The following CHSY1 variants were observed in gnomAD, a reference collection of about 807,000 sequenced individuals.
CHSY1 encodes the protein chondroitin sulfate synthase 1, also known as N-acetylgalactosaminyl-proteoglycan 3-beta-glucuronosyltransferase 1.
In CHSY1, 13 loss-of-function variants were observed where a neutral mutation model predicts 59.8. The observed-to-expected ratio is 0.22, with a 90% CI of 0.14 to 0.35. CHSY1 has a LOEUF of 0.35. Among genes scored for constraint, CHSY1 ranks in the 10% least tolerant of loss-of-function variants. The pLI is 1.00. For missense variants in CHSY1, 947 were observed against 1,030.6 expected (o/e 0.92, Z 1.11); for synonymous variants, 459 against 401.2 (o/e 1.14, Z -1.72).
intron 2 of CHSY1, among the ~76,000 whole-genome samples, chr15:101,209,321 A>C (rs1210635941): frequency 6.6e-6 from 1 of 152,240 alleles, no homozygotes; most frequent in Non-Finnish European, 1.5e-5. Context: ...CAGAAGTGTC[A>C]AGGTCATAAA....
At chr15:101,247,474 C>T (rs1437173946) in intron 1 of CHSY1, among the ~76,000 whole-genome samples, 1 of 152,084 alleles carries the variant, frequency 6.6e-6, no homozygotes, top group Non-Finnish European at 1.5e-5. Flanking sequence ...GTCCCTCTGA[C>T]TAAAGAACAT....
intron 2 of CHSY1, among the ~76,000 whole-genome samples, chr15:101,196,162 G>C (rs1012319596): frequency 1.3e-5 from 2 of 151,454 alleles, no homozygotes; most frequent in African/African-American, 4.9e-5. Context: ...ACTTGAACCT[G>C]GGAGACAGAG....
At chr15:101,189,420 A>C (rs1047674860) in intron 2 of CHSY1, 1 of 985,282 alleles carries the variant, frequency 1.0e-6, no homozygotes, top group African/African-American at 1.7e-5. Flanking sequence ...AATTAAAAAC[A>C]AACTTACAGG....
At chr15:101,200,142 T>C (rs531937906) in intron 2 of CHSY1, among the ~76,000 whole-genome samples, 8 of 152,246 alleles carry the variant, frequency 5.3e-5, no homozygotes, top group Non-Finnish European at 1.0e-4. Context: ...GGAACTAAGA[T>C]GACATTCTAG....
At chr15:101,202,058 A>G (rs1476650071) in intron 2 of CHSY1, among the ~76,000 whole-genome samples, 1 of 152,262 alleles carries the variant, frequency 6.6e-6, no homozygotes, top group African/African-American at 2.4e-5. Flanking sequence ...GCTGATGACA[A>G]GCTCTGGTCC....
intron 1 of CHSY1, among the ~76,000 whole-genome samples, chr15:101,250,293 C>T (rs2039093706): frequency 6.6e-6 from 1 of 152,184 alleles, no homozygotes; most frequent in Non-Finnish European, 1.5e-5. Context: ...CCATCAAATC[C>T]CTTTATCGAG....
rs2038182220 is a variant in CHSY1 at position 101,175,970 on chromosome 15, T to C, written c.*1418A>G. On this transcript the variant is annotated 3_prime_UTR_variant, in exon 3 of 3. Coordinates refer to ENST00000254190, the MANE Select transcript of CHSY1 (RefSeq NM_014918.5). ...TTAAGGCACATTTGATCTGAGAATTTAACTTTCTGGTATAATGACAGATTC... is the reference window on the plus strand; with the variant it reads ...TTAAGGCACATTTGATCTGAGAATTCAACTTTCTGGTATAATGACAGATTC... The C allele has an allele frequency of 3.5e-6, 1 of 284,966 alleles. No individual in the cohort carries two copies. The highest frequency in any genetic ancestry group is 5.2e-5 in the Admixed American group (1 of 19,308). 17.7% of individuals were successfully genotyped at this position (284,966 alleles called of 1,614,324 possible). A position where few individuals can be genotyped will look rare whatever the true frequency, so the allele number is the denominator to read the frequency against.
At chr15:101,217,501 G>A (rs2038746638) in intron 2 of CHSY1, among the ~76,000 whole-genome samples, 1 of 152,056 alleles carries the variant, frequency 6.6e-6, no homozygotes, top group South Asian at 2.1e-4. Context: ...GAAGAGCCTC[G>A]ATTCCTTGAA....
chr15:101,178,688 C>A lies in CHSY1; in HGVS notation c.1109G>T (p.Arg370Leu). 1 of 1,614,246 alleles carries A rather than the reference C, an allele frequency of 6.2e-7. No homozygotes were observed. The highest frequency in any genetic ancestry group is 8.5e-7 in the Non-Finnish European group (1 of 1,180,048). ...AAACTCCCATTCCAGAATCTCCTCT[C>A]GCTGGCGGGGCTGAAACCTCATGAA... Reference protein sequence around the residue: ...PSFMRFQPRQREEILEWEFLT... With the variant: ...PSFMRFQPRQLEEILEWEFLT... The change falls in exon 3 of 3, where the codon CGA becomes CTA. Residue 370 changes from arginine (R) to leucine (L), a missense_variant. Around this residue, in one of 4 missense-constraint regions of CHSY1, gnomAD observed 602 missense variants for 676.9 expected, o/e 0.89. Transcript: ENST00000254190.
At chr15:101,233,413 T>C (rs962709018) in intron 2 of CHSY1, among the ~76,000 whole-genome samples, 3 of 152,198 alleles carry the variant, frequency 2.0e-5, no homozygotes, top group Non-Finnish European at 4.4e-5. Flanking sequence ...TCGGAGATGA[T>C]GGTCAGGGGA....
chr15:101,207,885 G>C (rs1476030116), intron 2 of CHSY1, among the ~76,000 whole-genome samples: 1 of 152,202 alleles, frequency 6.6e-6, no homozygotes, highest in Non-Finnish European at 1.5e-5. Context: ...GCAAGATAGG[G>C]TCCCCAGATG....
At chr15:101,227,573 C>T (rs2038853149) in intron 2 of CHSY1, among the ~76,000 whole-genome samples, 1 of 152,162 alleles carries the variant, frequency 6.6e-6, no homozygotes, top group Admixed American at 6.5e-5. Context: ...ATATATTACT[C>T]CTGGGAATCT....
intron 1 of CHSY1, among the ~76,000 whole-genome samples, chr15:101,240,876 T>C (rs1392130657): frequency 1.3e-5 from 2 of 152,198 alleles, no homozygotes; most frequent in East Asian, 1.9e-4. Flanking sequence ...CTACATAAAA[T>C]ACACTTCTGT....
In CHSY1 at chr15:101,176,056, A is replaced by G. The variant is rs767211625; in HGVS notation, c.*1332T>C. On this transcript the variant is annotated 3_prime_UTR_variant, in exon 3 of 3. Transcript: ENST00000254190. ...AATTGTCAAAGAACACTTAATATTTAGTAAAACAGTAAGGAATATAAAAAT... is the reference window on the plus strand; with the variant it reads ...AATTGTCAAAGAACACTTAATATTTGGTAAAACAGTAAGGAATATAAAAAT... 4 of 387,876 alleles carry G rather than the reference A, an allele frequency of 1.0e-5. No homozygotes were observed. The highest frequency in any genetic ancestry group is 1.8e-5 in the Non-Finnish European group (4 of 219,950). 24.0% of individuals were successfully genotyped at this position (387,876 alleles called of 1,614,324 possible).
At chr15:101,233,771 A>G (rs2038913977) in intron 2 of CHSY1, among the ~76,000 whole-genome samples, 1 of 152,300 alleles carries the variant, frequency 6.6e-6, no homozygotes, top group East Asian at 1.9e-4. Flanking sequence ...GAAAATGTCC[A>G]CTTCCCTAAA....
intron 2 of CHSY1, among the ~76,000 whole-genome samples, chr15:101,197,274 G>C (rs2038518689): frequency 6.6e-6 from 1 of 152,168 alleles, no homozygotes; most frequent in Non-Finnish European, 1.5e-5. Context: ...TATTTGACTG[G>C]AAGCCCATTA....
intron 2 of CHSY1, among the ~76,000 whole-genome samples, chr15:101,232,875 G>A (rs1567105256): frequency 6.6e-6 from 1 of 152,228 alleles, no homozygotes; most frequent in Non-Finnish European, 1.5e-5. Flanking sequence ...GGAGAAGCCT[G>A]CAGCAGTCAG....
intron 2 of CHSY1, among the ~76,000 whole-genome samples, chr15:101,186,187 G>A (rs2038361522): frequency 6.6e-6 from 1 of 151,026 alleles, no homozygotes; most frequent in Non-Finnish European, 1.5e-5. Context: ...AGGGGTGGTG[G>A]CACATGCCTG....
At position 101,178,352 on chromosome 15, in the gene CHSY1, A is replaced by G. The variant is rs143206636; in HGVS notation, c.1445T>C (p.Phe482Ser). ...YLQQTFSKIQ[F>S]VEHEELDAQE... ...TGCATCCAGCTCCTCATGCTCCACA[A>G]ACTGGATTTTGCTGAAAGTCTGCTG... Residue 482 changes from phenylalanine (F) to serine (S), a missense_variant, in exon 3 of 3, where the codon TTT becomes TCT. By Grantham distance (155) the Phe-to-Ser change is radical (BLOSUM62 -2). This residue lies in a region of CHSY1 where 602 missense variants were observed against 676.9 expected (regional missense o/e 0.89). Transcript: ENST00000254190. 264 of 1,607,724 alleles carry G rather than the reference A, an allele frequency of 1.6e-4. No homozygotes were observed. The highest frequency in any genetic ancestry group is 2.1e-4 in the Non-Finnish European group (245 of 1,174,940).
Sources: allele counts gnomAD v4.1 joint callset (sites outside exome capture counted in the v4.1 genomes callset), GRCh38; gene constraint gnomAD v4.1.1; regional missense constraint gnomAD v4.1.1; transcripts MANE v1.5; gene names NCBI Gene and HGNC (gene_info 2026-07-23, HGNC 2026-07-21).